The following RAD51B variants were observed in gnomAD, a reference collection of about 807,000 sequenced individuals.
RAD51B encodes DNA repair protein RAD51 homolog 2.
Under a neutral mutation model 42.2 loss-of-function variants are expected in RAD51B, and 38 were observed. The ratio of observed to expected loss-of-function variants is 0.90; its 90% CI spans 0.70 to 1.18. The LOEUF is 1.18. Among genes scored for constraint, RAD51B ranks in the 50% most tolerant of loss-of-function variants. RAD51B has a pLI of 0.00. For missense variants in RAD51B, 373 were observed against 400.7 expected, an observed-to-expected ratio of 0.93 and a Z score of 0.59; for synonymous variants, 154 against 145.2, an observed-to-expected ratio of 1.06 and a Z score of -0.43.
intron 10 of RAD51B, among the ~76,000 whole-genome samples, chr14:68,542,724 C>G (rs1888032036): frequency 6.6e-6 from 1 of 152,152 alleles, no homozygotes; most frequent in African/African-American, 2.4e-5. Context: ...CTAGTACTTT[C>G]TGACTTCTAA....
chr14:68,550,493 A>G (rs1430162552), intron 10 of RAD51B, among the ~76,000 whole-genome samples: 3 of 152,240 alleles, frequency 2.0e-5, no homozygotes, highest in Non-Finnish European at 2.9e-5. Flanking sequence ...CAGCTTACAG[A>G]ATCTTCCCTA....
In RAD51B at chr14:68,030,057, C is replaced by A. The variant is rs561704517; in HGVS notation, c.756+142853C>A. Among the ~76,000 whole-genome samples, 3 of 152,364 alleles carry A rather than the reference C, an allele frequency of 2.0e-5. No homozygotes were observed. The East Asian group carries it at 5.8e-4, about 29-fold the overall frequency. ...GACTTAAAATATTCAGTGAACCACACTGTAACCAGAGGTGCTGTGATCTAG... is the reference window on the plus strand; with the variant it reads ...GACTTAAAATATTCAGTGAACCACAATGTAACCAGAGGTGCTGTGATCTAG... On this transcript the variant is annotated intron_variant, in intron 7 of 10. Transcript: ENST00000471583.
At chr14:68,138,497 CTT>C (rs1351741033) in intron 7 of RAD51B, among the ~76,000 whole-genome samples, 3 of 151,904 alleles carry the variant, frequency 2.0e-5, no homozygotes, top group African/African-American at 7.3e-5. Context: ...AGAAAAGAAA[CTT>C]AAAAAAAAAT....
intron 7 of RAD51B, among the ~76,000 whole-genome samples, chr14:67,899,235 G>C (rs1183955341): frequency 6.6e-6 from 1 of 151,132 alleles, no homozygotes; most frequent in African/African-American, 2.4e-5. Flanking sequence ...ATTTTTAGTA[G>C]AGACGGGGTT....
intron 7 of RAD51B, among the ~76,000 whole-genome samples, chr14:68,207,011 C>T (rs1215071421): frequency 7.2e-5 from 11 of 152,020 alleles, no homozygotes; most frequent in South Asian, 2.1e-4. Flanking sequence ...AGGATAGTCT[C>T]GATCTCCTGA....
chr14:68,326,063 G>A (rs1328322987), intron 8 of RAD51B, among the ~76,000 whole-genome samples: 4 of 96,358 alleles, frequency 4.2e-5, no homozygotes, highest in Admixed American at 1.5e-4. Flanking sequence ...TTTTTGAGAC[G>A]GAGTTTCACG....
At chr14:68,234,987 G>GGCT (rs2080217923) in intron 7 of RAD51B, among the ~76,000 whole-genome samples, 1 of 151,976 alleles carries the variant, frequency 6.6e-6, no homozygotes, top group African/African-American at 2.4e-5. Flanking sequence ...AGATATATGA[G>GGCT]GCTGCTGCTG....
intron 10 of RAD51B, among the ~76,000 whole-genome samples, chr14:68,490,670 C>G (rs1319530476): frequency 6.6e-6 from 1 of 152,154 alleles, no homozygotes; most frequent in Non-Finnish European, 1.5e-5. Context: ...GCTGACACTC[C>G]TTCTCAATTG....
chr14:68,087,457 T>C (rs879782805), intron 7 of RAD51B, among the ~76,000 whole-genome samples: 3 of 152,190 alleles, frequency 2.0e-5, no homozygotes, highest in Non-Finnish European at 1.5e-5. Flanking sequence ...GTCTATATGA[T>C]GGATTACTGA....
At chr14:67,855,870 C>T (rs2139960358) in intron 4 of RAD51B, among the ~76,000 whole-genome samples, 1 of 152,310 alleles carries the variant, frequency 6.6e-6, no homozygotes, top group Admixed American at 6.5e-5. Context: ...TCCTTGAGTA[C>T]AGTCTGCTGA....
chr14:68,182,942 T>C (rs1362158053), intron 7 of RAD51B, among the ~76,000 whole-genome samples: 2 of 152,214 alleles, frequency 1.3e-5, no homozygotes, highest in African/African-American at 2.4e-5. Context: ...CTGTATTCCT[T>C]TTCTTTCCTT....
chr14:68,297,924 A>G (rs181221345), intron 8 of RAD51B, among the ~76,000 whole-genome samples: 61 of 152,258 alleles, frequency 4.0e-4, no homozygotes, highest in Admixed American at 6.5e-4. Context: ...TTTGGATAAA[A>G]ATGTTTAAGT....
chr14:68,320,517 CT>C (rs2082138647), intron 8 of RAD51B, among the ~76,000 whole-genome samples: 2 of 152,218 alleles, frequency 1.3e-5, no homozygotes, highest in South Asian at 4.1e-4. Flanking sequence ...TGTTCTAATT[CT>C]GCAGAGCTAC....
intron 10 of RAD51B, among the ~76,000 whole-genome samples, chr14:68,501,661 A>G (rs539511153): frequency 1.3e-5 from 2 of 152,396 alleles, no homozygotes; most frequent in African/African-American, 4.8e-5. Context: ...CTAAGGCTGT[A>G]AGGCCACAAC....
intron 10 of RAD51B, among the ~76,000 whole-genome samples, chr14:68,490,793 A>C (rs1167762615): frequency 6.6e-6 from 1 of 152,058 alleles, no homozygotes; most frequent in Non-Finnish European, 1.5e-5. Flanking sequence ...CCAAGGCCAA[A>C]AGAAGGGAGG....
rs139061916 is a variant in RAD51B, at chr14:67,957,614, A to G, written c.756+70410A>G. ...ACATTTGATGGAGAATGATAGTACCATTTATAACACTCGGATCGCTGTCTC... is the reference window on the plus strand; with the variant it reads ...ACATTTGATGGAGAATGATAGTACCGTTTATAACACTCGGATCGCTGTCTC... On this transcript the variant is annotated intron_variant, in intron 7 of 10. Transcript: ENST00000471583. Among the ~76,000 whole-genome samples the G allele has an allele frequency of 7.9e-5, 12 of 152,332 alleles. No homozygotes were observed. In the East Asian group the frequency reaches 2.3e-3, roughly 29 times the overall value.
At chr14:68,350,980 T>G (rs1334861306) in intron 8 of RAD51B, among the ~76,000 whole-genome samples, 1 of 152,208 alleles carries the variant, frequency 6.6e-6, no homozygotes, top group Non-Finnish European at 1.5e-5. Flanking sequence ...AGGAATCCTT[T>G]CTTCATGGCT....
rs1438139229 is a variant in RAD51B at position 68,425,742 on chromosome 14, G to A, written c.957+14215G>A. 2.0e-5 allele frequency among the ~76,000 whole-genome samples: 3 copies of A among 152,240 alleles called. 1 individual carries two copies. The South Asian group carries it at 6.2e-4, about 31-fold the overall frequency. ...ATAAATACCTGAAAATATGGAAGTG[G>A]CTTTGGTATTGGGTGATGGGTAAAG... On this transcript the variant is annotated intron_variant, in intron 9 of 10. Coordinates refer to ENST00000471583, the MANE Select transcript of RAD51B (RefSeq NM_133510.4).
chr14:68,491,300 C>T (rs1884055576), intron 10 of RAD51B, among the ~76,000 whole-genome samples: 1 of 152,224 alleles, frequency 6.6e-6, no homozygotes, highest in South Asian at 2.1e-4. Flanking sequence ...CTAGGTGCAA[C>T]GCATCATGTT....
Sources: allele counts gnomAD v4.1 joint callset (sites outside exome capture counted in the v4.1 genomes callset), GRCh38; gene constraint gnomAD v4.1.1; transcripts MANE v1.5; gene names NCBI Gene and HGNC (gene_info 2026-07-23, HGNC 2026-07-21).